The following NIBAN1 variants were observed in gnomAD, a reference collection of about 807,000 sequenced individuals.
NIBAN1 encodes the protein protein Niban 1.
Under a neutral mutation model 75.1 loss-of-function variants are expected in NIBAN1, and 81 were observed. The ratio of observed to expected loss-of-function variants is 1.08; its 90% CI spans 0.90 to 1.30. The LOEUF is 1.30. Among genes scored for constraint, NIBAN1 ranks in the 50% most tolerant of loss-of-function variants. The probability of loss-of-function intolerance (pLI) is 0.00; values close to 1 mark genes in which losing one functional copy is unlikely to be tolerated. For synonymous variants in NIBAN1, 436 were observed against 424.8 expected (o/e 1.03, Z -0.32); for missense variants, 1,133 against 1,128.1 (o/e 1.00, Z -0.06).
chr1:184,806,942 G>T (rs957634595), intron 10 of NIBAN1, among the ~76,000 whole-genome samples: 7 of 151,802 alleles, frequency 4.6e-5, no homozygotes, highest in African/African-American at 1.7e-4. Flanking sequence ...TAATTTTTTT[G>T]TATTTTTAGT....
At chr1:184,807,912 T>C (rs1654250958) in intron 10 of NIBAN1, 162 bp downstream of exon 10, 2 of 721,862 alleles carry the variant, frequency 2.8e-6, no homozygotes, top group Admixed American at 4.1e-5. Context: ...GGATGGAAGA[T>C]GAAGCCAGTG....
chr1:184,922,460 A>G (rs543690366), intron 1 of NIBAN1, among the ~76,000 whole-genome samples: 92 of 152,148 alleles, frequency 6.0e-4, no homozygotes, highest in African/African-American at 2.1e-3. Flanking sequence ...AATTGTTTTA[A>G]TTTTTAGCTC....
chr1:184,896,389 A>G (rs1656802308), intron 2 of NIBAN1, among the ~76,000 whole-genome samples: 1 of 152,068 alleles, frequency 6.6e-6, no homozygotes. Context: ...TCCTTTGCCC[A>G]GTTTTTAATG....
intron 6 of NIBAN1, among the ~76,000 whole-genome samples, chr1:184,830,628 A>AT (rs1654971858): frequency 6.6e-6 from 1 of 152,194 alleles, no homozygotes. Flanking sequence ...GCAAGGCACC[A>AT]TTCAGCATCC....
At chr1:184,851,919 T>G (rs1002675328) in intron 5 of NIBAN1, among the ~76,000 whole-genome samples, 2 of 152,072 alleles carry the variant, frequency 1.3e-5, no homozygotes, top group Admixed American at 1.3e-4. Context: ...TCCTGGGCAG[T>G]TTGCCTCTTA....
intron 12 of NIBAN1, among the ~76,000 whole-genome samples, chr1:184,800,936 C>T (rs1426890012): frequency 6.6e-6 from 1 of 152,150 alleles, no homozygotes; most frequent in Non-Finnish European, 1.5e-5. Context: ...TTCATTGATT[C>T]CTTCTAGGAT....
chr1:184,793,799 G>GC lies in NIBAN1; in HGVS notation c.*1177_*1178insG. 1 of 152,316 alleles carries GC rather than the reference G, an allele frequency of 6.6e-6. No individual in the cohort carries two copies. Among genetic ancestry groups the GC allele is most frequent in the South Asian group, 2.1e-4 (1 of 4,832 alleles). The allele number at this position is 152,316 out of a possible 1,614,324, so 9.4% of individuals were successfully genotyped here. ...AGTTCTAGGAGGAAGGAACAAAGTT[G>GC]TTTTTCGCCATGGTATCCCCAGTGC... On this transcript the variant is annotated 3_prime_UTR_variant, in exon 14 of 14. Coordinates refer to ENST00000367511, the MANE Select transcript of NIBAN1 (RefSeq NM_052966.4).
At chr1:184,940,528 C>T (rs548546656) in intron 1 of NIBAN1, among the ~76,000 whole-genome samples, 10 of 152,192 alleles carry the variant, frequency 6.6e-5, no homozygotes, top group South Asian at 4.2e-4. Context: ...GTTTTAAATA[C>T]TTTTGTGATG....
At chr1:184,914,354 C>T (rs1358977159) in intron 1 of NIBAN1, among the ~76,000 whole-genome samples, 2 of 152,156 alleles carry the variant, frequency 1.3e-5, no homozygotes, top group Non-Finnish European at 2.9e-5. Context: ...GATAAACATT[C>T]CAAGAAAGGT....
chr1:184,791,577 A>T lies in NIBAN1; in HGVS notation c.*3400T>A, dbSNP rs1653697081. The T allele has an allele frequency of 6.6e-6, 1 of 151,898 alleles. No homozygotes were observed. The highest frequency in any genetic ancestry group is 1.5e-5 in the Non-Finnish European group (1 of 67,982). The allele number at this position is 151,898 out of a possible 1,614,324, so 9.4% of individuals were successfully genotyped here. A position where few individuals can be genotyped will look rare whatever the true frequency, so the allele number is the denominator to read the frequency against. Reference sequence around the variant, plus strand: ...TAAAGCTACAAGGGAAAAAATGACAAGCCCAGTTTTTTTCAAGGGAAATAT... The same window carrying T: ...TAAAGCTACAAGGGAAAAAATGACATGCCCAGTTTTTTTCAAGGGAAATAT... On this transcript the variant is annotated 3_prime_UTR_variant, in exon 14 of 14. Transcript: ENST00000367511.
At chr1:184,970,665 T>A (rs568207696) in intron 1 of NIBAN1, among the ~76,000 whole-genome samples, 1 of 152,326 alleles carries the variant, frequency 6.6e-6, no homozygotes, top group African/African-American at 2.4e-5. Flanking sequence ...TAACTGACTA[T>A]GCAATAATAA....
At chr1:184,945,427 A>C (rs1354259128) in intron 1 of NIBAN1, among the ~76,000 whole-genome samples, 1 of 152,236 alleles carries the variant, frequency 6.6e-6, no homozygotes, top group East Asian at 1.9e-4. Context: ...AGGTAAAACA[A>C]CTATAAATAC....
In NIBAN1 at chr1:184,795,622, C is replaced by CT. The variant is rs772044690; in HGVS notation, c.2141dup (p.Leu715ValfsTer31). The CT allele has an allele frequency of 1.9e-6, 3 of 1,614,192 alleles. No individual in the cohort carries two copies. In the South Asian group the frequency reaches 3.3e-5, roughly 18 times the overall value. ...GTACTTCCACGGACGCTGTCAGCAA[C>CT]TTTCTGAGCGCCTTCAAAGAACCCG... is the stretch of plus-strand genomic sequence containing the variant. On this transcript the variant is annotated frameshift_variant, in exon 14 of 14. Transcript: ENST00000367511. LOFTEE classifies it low-confidence loss of function (END_TRUNC).
chr1:184,825,378 T>C (rs1264938089), intron 6 of NIBAN1, among the ~76,000 whole-genome samples: 3 of 147,016 alleles, frequency 2.0e-5, no homozygotes, highest in Non-Finnish European at 4.4e-5. Flanking sequence ...CTGTCTAATA[T>C]ACGATGATTG....
intron 1 of NIBAN1, among the ~76,000 whole-genome samples, chr1:184,928,521 C>T (rs911073471): frequency 2.6e-5 from 4 of 152,162 alleles, no homozygotes; most frequent in Non-Finnish European, 4.4e-5. Flanking sequence ...CACTGGGATG[C>T]GTGATTCCCC....
intron 1 of NIBAN1, among the ~76,000 whole-genome samples, chr1:184,962,142 G>GAGAAT (rs1405428649): frequency 2.0e-5 from 3 of 152,204 alleles, no homozygotes; most frequent in African/African-American, 7.2e-5. Flanking sequence ...AATGAGAAAA[G>GAGAAT]AGAATAGAAT....
chr1:184,839,544 C>CCT (rs913986488), intron 5 of NIBAN1, among the ~76,000 whole-genome samples: 31 of 95,290 alleles, frequency 3.3e-4, no homozygotes, highest in South Asian at 1.1e-3. Flanking sequence ...TACATGCATT[C>CCT]CTGTGTGTGT....
At chr1:184,805,807 T>G (rs1196528574) in intron 11 of NIBAN1, 139 bp downstream of exon 11, 1 of 661,904 alleles carries the variant, frequency 1.5e-6, no homozygotes, top group Non-Finnish European at 2.6e-6. Context: ...TGCAGCGGAC[T>G]GACAGTCACT....
chr1:184,968,202 T>C (rs1571613407), intron 1 of NIBAN1, among the ~76,000 whole-genome samples: 2 of 5,736 alleles, frequency 3.5e-4, no homozygotes, highest in African/African-American at 7.7e-4. Context: ...AGAGCGAGAC[T>C]CCGTCTCAAA....
Sources: allele counts gnomAD v4.1 joint callset (sites outside exome capture counted in the v4.1 genomes callset), GRCh38; gene constraint gnomAD v4.1.1; transcripts MANE v1.5; gene names NCBI Gene and HGNC (gene_info 2026-07-23, HGNC 2026-07-21).